FARS2: variants seen among roughly 807,000 people sequenced by gnomAD.
The protein encoded by FARS2 is phenylalanyl-tRNA synthetase 2, mitochondrial.
A neutral mutation model predicts 46.4 loss-of-function variants in FARS2; 40 were observed. The ratio of observed to expected loss-of-function variants is 0.86; its 90% confidence interval spans 0.67 to 1.12. The LOEUF (loss-of-function observed/expected upper bound fraction) is 1.12, where lower values mean the gene tolerates loss of function less well. Ranked by LOEUF, FARS2 falls within the 50% of genes most tolerant of loss-of-function variation. The probability of loss-of-function intolerance (pLI) is 0.00; values close to 1 mark genes in which losing one functional copy is unlikely to be tolerated. For synonymous variants in FARS2, 234 were observed against 214.9 expected (o/e 1.09, Z -0.78); for missense variants, 513 against 567.9 (o/e 0.90, Z 0.98).
chr6:5,597,945 A>C (rs1774293801), intron 5 of FARS2, among the ~76,000 whole-genome samples: 1 of 152,064 alleles, frequency 6.6e-6, no homozygotes, highest in African/African-American at 2.4e-5. Flanking sequence ...ATTATGCAGC[A>C]TAATAATACA....
chr6:5,720,884 C>T (rs554179116), intron 6 of FARS2, among the ~76,000 whole-genome samples: 3 of 151,744 alleles, frequency 2.0e-5, no homozygotes, highest in Non-Finnish European at 2.9e-5. Flanking sequence ...CCCATCACTA[C>T]AAAAAAAAAT....
chr6:5,405,770 G>T (rs1761553317), intron 3 of FARS2, among the ~76,000 whole-genome samples: 1 of 151,838 alleles, frequency 6.6e-6, no homozygotes. Context: ...GGGATTACAG[G>T]CGTGATCCAC....
intron 5 of FARS2, among the ~76,000 whole-genome samples, chr6:5,548,208 C>T (rs1047527668): frequency 6.6e-6 from 1 of 152,180 alleles, no homozygotes; most frequent in African/African-American, 2.4e-5. Context: ...GCTCCCACAA[C>T]ATGTGGGAAT....
chr6:5,349,586 A>G (rs187048853), intron 1 of FARS2, among the ~76,000 whole-genome samples: 2 of 152,288 alleles, frequency 1.3e-5, no homozygotes, highest in Non-Finnish European at 2.9e-5. Context: ...CTCTTTTACT[A>G]ATGTCTTCAA....
intron 1 of FARS2, among the ~76,000 whole-genome samples, chr6:5,321,361 C>A (rs1769959847): frequency 6.6e-6 from 1 of 152,134 alleles, no homozygotes; most frequent in Non-Finnish European, 1.5e-5. Context: ...TAGACGTAGC[C>A]TTTAAGGTAG....
intron 1 of FARS2, among the ~76,000 whole-genome samples, chr6:5,286,672 A>G (rs568274665): frequency 6.6e-6 from 1 of 152,334 alleles, no homozygotes; most frequent in Admixed American, 6.5e-5. Context: ...TATATACATA[A>G]TTATATTCAA....
intron 1 of FARS2, among the ~76,000 whole-genome samples, chr6:5,285,274 G>A (rs369650250): frequency 2.6e-5 from 4 of 152,086 alleles, no homozygotes; most frequent in Non-Finnish European, 2.9e-5. Flanking sequence ...GGAGGCGACC[G>A]AGGGGAGCAA....
At chr6:5,499,889 T>G (rs1767688380) in intron 4 of FARS2, among the ~76,000 whole-genome samples, 1 of 152,176 alleles carries the variant, frequency 6.6e-6, no homozygotes, top group Non-Finnish European at 1.5e-5. Context: ...CATTTCCTGT[T>G]TCTTTTGTGT....
chr6:5,465,992 G>A (rs1561639964), intron 4 of FARS2, among the ~76,000 whole-genome samples: 2 of 152,032 alleles, frequency 1.3e-5, no homozygotes, highest in Admixed American at 6.6e-5. Context: ...CAATAACTCT[G>A]TGGTGTGTGG....
At chr6:5,327,362 T>C (rs1342259129) in intron 1 of FARS2, among the ~76,000 whole-genome samples, 2 of 152,174 alleles carry the variant, frequency 1.3e-5, no homozygotes, top group African/African-American at 2.4e-5. Flanking sequence ...TTGCCTGATA[T>C]GGTTGGGCTG....
intron 4 of FARS2, among the ~76,000 whole-genome samples, chr6:5,485,844 T>C (rs1766744247): frequency 6.6e-6 from 1 of 152,192 alleles, no homozygotes; most frequent in Non-Finnish European, 1.5e-5. Flanking sequence ...CACTGAGATT[T>C]CAGTTCCTTG....
At chr6:5,392,645 A>C (rs1760595600) in intron 2 of FARS2, among the ~76,000 whole-genome samples, 1 of 151,614 alleles carries the variant, frequency 6.6e-6, no homozygotes, top group South Asian at 2.1e-4. Flanking sequence ...TGAGCCTAGG[A>C]TGACCAGAAT....
At chr6:5,535,036 T>C (rs1181195644) in intron 4 of FARS2, among the ~76,000 whole-genome samples, 1 of 152,214 alleles carries the variant, frequency 6.6e-6, no homozygotes, top group African/African-American at 2.4e-5. Context: ...CTTTTTATGA[T>C]TATTTTCATT....
chr6:5,431,777 A>G, intron 4 of FARS2: 1 of 474,704 alleles, frequency 2.1e-6, no homozygotes, highest in Non-Finnish European at 4.4e-6. Flanking sequence ...CTGTAAGACC[A>G]TTGCTTAATA....
intron 6 of FARS2, among the ~76,000 whole-genome samples, chr6:5,662,353 A>G (rs551019566): frequency 2.6e-5 from 4 of 152,356 alleles, no homozygotes; most frequent in African/African-American, 9.6e-5. Context: ...GCAGAATGTA[A>G]TTTATGAAAT....
chr6:5,362,927 C>CTTTTTTTTTTTTTTTTTT (rs55686418), intron 1 of FARS2, among the ~76,000 whole-genome samples: 1 of 124,226 alleles, frequency 8.0e-6, no homozygotes, highest in Non-Finnish European at 1.6e-5. Flanking sequence ...TTCTTTCTTT[C>CTTTTTTTTTTTTTTTTTT]TTTTTTTTTT....
intron 2 of FARS2, among the ~76,000 whole-genome samples, chr6:5,393,378 C>G (rs532630744): frequency 6.6e-6 from 1 of 151,866 alleles, no homozygotes; most frequent in South Asian, 2.1e-4. Context: ...GTGCTTTGGC[C>G]GGGCATGGTG....
In FARS2 at chr6:5,471,110, G is replaced by T. The variant is rs956274739; in HGVS notation, c.904+39938G>T. Among the ~76,000 whole-genome samples, 1 of 152,102 alleles carries T rather than the reference G, an allele frequency of 6.6e-6. No individual in the cohort carries two copies. Among genetic ancestry groups the T allele is most frequent in the East Asian group, 1.9e-4 (1 of 5,190 alleles). ...TAACAATAAGTGAACCCCACTGAGGGGTTTCAGCCACTGAGAGACTGACCC... is the reference window on the plus strand; with the variant it reads ...TAACAATAAGTGAACCCCACTGAGGTGTTTCAGCCACTGAGAGACTGACCC... On this transcript the variant is annotated intron_variant, in intron 4 of 6. Coordinates refer to ENST00000274680, the MANE Select transcript of FARS2 (RefSeq NM_006567.5). The surrounding 1 kb of genome is among the most constrained non-coding windows in gnomAD (Gnocchi z 4.1).
chr6:5,363,278 C>T (rs1175635539), intron 1 of FARS2, among the ~76,000 whole-genome samples: 1 of 152,006 alleles, frequency 6.6e-6, no homozygotes, highest in Admixed American at 6.6e-5. Context: ...TGCGTGAGTT[C>T]CTTATGTATT....
Sources: allele counts gnomAD v4.1 joint callset (sites outside exome capture counted in the v4.1 genomes callset), GRCh38; gene constraint gnomAD v4.1.1; non-coding constraint Gnocchi (gnomAD v3.1); transcripts MANE v1.5; gene names NCBI Gene and HGNC (gene_info 2026-07-23, HGNC 2026-07-21).